Variants in DISC1 observed in about 807,000 individuals in gnomAD.
DISC1 encodes DISC1 scaffold protein, also known as disrupted in schizophrenia 1 protein.
A neutral mutation model predicts 84.5 loss-of-function variants in DISC1; 57 were observed. That is an observed-to-expected ratio of 0.67 (90% CI 0.55 to 0.84). DISC1 has a LOEUF of 0.84. DISC1 is among the 40% of genes least tolerant of loss of function. The pLI is 0.00. For synonymous variants in DISC1, 411 were observed against 415.2 expected (o/e 0.99, Z 0.12); for missense variants, 1,000 against 1,057.8 (o/e 0.95, Z 0.76).
At chr1:232,020,099 T>TG (rs961841098) in intron 11 of DISC1, among the ~76,000 whole-genome samples, 9 of 152,074 alleles carry the variant, frequency 5.9e-5, no homozygotes, top group African/African-American at 1.9e-4. Context: ...CCCAGCACTT[T>TG]GGGGGGCCAA....
At chr1:231,725,085 G>A (rs1002507587) in intron 3 of DISC1, among the ~76,000 whole-genome samples, 4 of 152,092 alleles carry the variant, frequency 2.6e-5, no homozygotes, top group Non-Finnish European at 5.9e-5. Flanking sequence ...AGAGGGTCAC[G>A]GTGGTGTGGA....
At chr1:231,956,291 T>C (rs773820225) in intron 9 of DISC1, among the ~76,000 whole-genome samples, 5 of 152,246 alleles carry the variant, frequency 3.3e-5, no homozygotes, top group Admixed American at 6.5e-5. Flanking sequence ...TCTTCATCTC[T>C]GAAGGCTCCT....
intron 1 of DISC1, among the ~76,000 whole-genome samples, chr1:231,690,701 T>G (rs2064894904): frequency 6.6e-6 from 1 of 152,180 alleles, no homozygotes; most frequent in Non-Finnish European, 1.5e-5. Flanking sequence ...AAAAATGGCC[T>G]TTCGTTATGG....
rs575103109 is a variant in DISC1 at position 231,660,645 on chromosome 1, G to C, written c.68-33181G>C. 1.6e-3 allele frequency among the ~76,000 whole-genome samples: 245 copies of C among 152,158 alleles called. 2 individuals carry two copies. The highest frequency in any genetic ancestry group is 5.5e-3 in the African/African-American group (229 of 41,514). ...CACCTGCCATCTTTTAGTAGAGATG[G>C]GGTTTCACCATGTTGGCCAGGCTGG... On this transcript the variant is annotated intron_variant, in intron 1 of 12. Transcript: ENST00000439617.
chr1:231,858,652 G>A (rs1420617058), intron 9 of DISC1, among the ~76,000 whole-genome samples: 2 of 152,242 alleles, frequency 1.3e-5, no homozygotes, highest in Non-Finnish European at 2.9e-5. Context: ...ATTTGGAGTC[G>A]ATTCCTGTAG....
chr1:231,964,144 T>C (rs747987770), intron 10 of DISC1, among the ~76,000 whole-genome samples: 5 of 152,188 alleles, frequency 3.3e-5, no homozygotes, highest in Non-Finnish European at 5.9e-5. Flanking sequence ...TTAATAAGAT[T>C]AAGTCTGCCT....
chr1:231,950,202 TTC>T (rs1553405330), intron 9 of DISC1, among the ~76,000 whole-genome samples: 1 of 91,646 alleles, frequency 1.1e-5, no homozygotes, highest in Non-Finnish European at 2.2e-5. Flanking sequence ...TGAAAAAAAA[TTC>T]TGTGTGTGTG....
chr1:231,723,993 A>G (rs747510781), intron 3 of DISC1: 23 of 985,478 alleles, frequency 2.3e-5, no homozygotes, highest in Non-Finnish European at 2.5e-5. Context: ...CTGTATATAC[A>G]TAGAACAAAA....
chr1:231,971,896 A>G (rs1462968798), intron 10 of DISC1, among the ~76,000 whole-genome samples: 2 of 152,220 alleles, frequency 1.3e-5, no homozygotes, highest in African/African-American at 4.8e-5. Flanking sequence ...GAAATCATAC[A>G]ATGATTTAGC....
intron 9 of DISC1, among the ~76,000 whole-genome samples, chr1:231,929,644 A>G (rs2090540582): frequency 6.6e-6 from 1 of 152,222 alleles, no homozygotes. Flanking sequence ...ACAAGCAAAC[A>G]GATGATTTTT....
chr1:231,732,274 A>G lies in DISC1; in HGVS notation c.1118-17652A>G, dbSNP rs115146221. On this transcript the variant is annotated intron_variant, in intron 3 of 12. Coordinates refer to ENST00000439617, the MANE Select transcript of DISC1 (RefSeq NM_018662.3). ...GGGTTTCTCATACATCGCATCATGA[A>G]TTTTTTTACAACCTTGTGTCCAGTG... Among the ~76,000 whole-genome samples, 418 of 152,268 alleles carry G rather than the reference A, an allele frequency of 2.7e-3. 4 individuals carry two copies. The highest frequency in any genetic ancestry group is 9.7e-3 in the African/African-American group (401 of 41,544).
intron 1 of DISC1, among the ~76,000 whole-genome samples, chr1:231,632,598 G>A (rs1572318890): frequency 1.3e-5 from 2 of 152,206 alleles, no homozygotes; most frequent in Admixed American, 6.5e-5. Flanking sequence ...TTTTACAGGT[G>A]AGAAAAGTGA....
rs1283574587 is a variant in DISC1, at chr1:231,998,701, A to T, written c.2043-10084A>T. On this transcript the variant is annotated intron_variant, in intron 10 of 12. Transcript: ENST00000439617. ...GCACAAGCTTCTTGGGAATATTCTTAGAGGAAGTATTTCAAGAAGATGAAA... is the reference window on the plus strand; with the variant it reads ...GCACAAGCTTCTTGGGAATATTCTTTGAGGAAGTATTTCAAGAAGATGAAA... 3.9e-5 allele frequency among the ~76,000 whole-genome samples: 6 copies of T among 152,370 alleles called. No individual in the cohort carries two copies. The East Asian group carries it at 1.2e-3, about 29-fold the overall frequency.
intron 9 of DISC1, among the ~76,000 whole-genome samples, chr1:231,888,106 A>T (rs190727059): frequency 3.3e-5 from 5 of 152,358 alleles, no homozygotes; most frequent in Non-Finnish European, 5.9e-5. Flanking sequence ...AAGGGAAAGG[A>T]TAAATCCATG....
intron 9 of DISC1, among the ~76,000 whole-genome samples, chr1:231,920,905 ATTT>A (rs34325068): frequency 2.7e-5 from 3 of 112,928 alleles, no homozygotes; most frequent in Admixed American, 9.5e-5. Flanking sequence ...CTGAACTGCT[ATTT>A]TTTTTTTTTT....
intron 9 of DISC1, among the ~76,000 whole-genome samples, chr1:231,917,506 T>C (rs1010965330): frequency 6.6e-5 from 10 of 152,194 alleles, no homozygotes; most frequent in Admixed American, 3.3e-4. Flanking sequence ...CAATTAAGAA[T>C]CACATAGGCA....
intron 9 of DISC1, among the ~76,000 whole-genome samples, chr1:231,828,748 A>T (rs915625693): frequency 1.3e-5 from 2 of 152,162 alleles, no homozygotes; most frequent in African/African-American, 4.8e-5. Flanking sequence ...TTGTACTGAG[A>T]AAGAGGATGC....
chr1:231,829,433 C>G (rs957391509), intron 9 of DISC1, among the ~76,000 whole-genome samples: 2 of 152,044 alleles, frequency 1.3e-5, no homozygotes, highest in African/African-American at 4.8e-5. Context: ...GGCATTATCT[C>G]GGCTCACTGC....
chr1:231,785,221 CTGTGTGTGTGTGTG>C (rs71573141), intron 6 of DISC1, among the ~76,000 whole-genome samples: 29 of 136,528 alleles, frequency 2.1e-4, no homozygotes, highest in East Asian at 2.1e-3. Flanking sequence ...ACAGATTTGT[CTGTGTGTGTGTGTG>C]TGTGTGTGTG....
Sources: gnomAD v4.1 joint callset for allele counts (sites outside exome capture counted in the v4.1 genomes callset) on GRCh38, gnomAD v4.1.1 for gene constraint, MANE v1.5 for transcripts, NCBI Gene and HGNC (gene_info 2026-07-23, HGNC 2026-07-21) for gene names.